Variants in GALNTL6 observed in about 807,000 individuals in gnomAD.
The protein encoded by GALNTL6 is polypeptide N-acetylgalactosaminyltransferase like 6.
In GALNTL6, 46 loss-of-function variants were observed where a neutral mutation model predicts 73.7. The observed-to-expected ratio is 0.62, with a 90% CI of 0.49 to 0.80. The LOEUF is 0.80. Among genes scored for constraint, GALNTL6 ranks in the 30% least tolerant of loss-of-function variants. The probability of loss-of-function intolerance (pLI) is 0.00; values close to 1 mark genes in which losing one functional copy is unlikely to be tolerated. For synonymous variants in GALNTL6, 259 were observed against 263.7 expected (o/e 0.98, Z 0.17); for missense variants, 604 against 755.0 (o/e 0.80, Z 2.34).
In GALNTL6 at chr4:171,854,028, G is replaced by A. The variant is rs189172963; in HGVS notation, c.138+39310G>A. On this transcript the variant is annotated intron_variant, in intron 2 of 12. Coordinates refer to ENST00000506823, the MANE Select transcript of GALNTL6 (RefSeq NM_001034845.3). ...TAAGAGTTATTGCCTTTAAAACAAT[G>A]TCCAGTAAAATTTCACAGAAAGCTA... Among the ~76,000 whole-genome samples the A allele has an allele frequency of 2.3e-4, 35 of 152,200 alleles. 1 individual carries two copies. The East Asian group carries it at 6.8e-3, about 29-fold the overall frequency.
At chr4:172,370,196 A>G (rs1247243817) in intron 5 of GALNTL6, among the ~76,000 whole-genome samples, 1 of 152,252 alleles carries the variant, frequency 6.6e-6, no homozygotes, top group East Asian at 1.9e-4. Flanking sequence ...TGAGGTCCTC[A>G]ATAGAAGTTG....
chr4:172,337,571 G>A (rs541413583), intron 4 of GALNTL6, among the ~76,000 whole-genome samples: 8 of 151,838 alleles, frequency 5.3e-5, no homozygotes, highest in African/African-American at 1.9e-4. Flanking sequence ...TTTTTTAAGA[G>A]TGCTGGCTAT....
intron 5 of GALNTL6, among the ~76,000 whole-genome samples, chr4:172,791,159 T>C (rs1189501478): frequency 1.3e-5 from 2 of 152,176 alleles, no homozygotes; most frequent in East Asian, 1.9e-4. Context: ...AAGTCGATGA[T>C]AGAAAACTGT....
At chr4:172,907,370 A>G (rs918373768) in intron 8 of GALNTL6, among the ~76,000 whole-genome samples, 3 of 152,218 alleles carry the variant, frequency 2.0e-5, no homozygotes, top group African/African-American at 7.2e-5. Flanking sequence ...AATCATAAAT[A>G]TAATATTACA....
chr4:172,248,569 A>G (rs1283997869), intron 3 of GALNTL6, among the ~76,000 whole-genome samples: 1 of 152,120 alleles, frequency 6.6e-6, no homozygotes, highest in Non-Finnish European at 1.5e-5. Flanking sequence ...CTATTAGTCA[A>G]TCCCATTTGG....
chr4:172,834,051 A>G (rs1310249329), intron 7 of GALNTL6, among the ~76,000 whole-genome samples: 1 of 152,224 alleles, frequency 6.6e-6, no homozygotes, highest in Admixed American at 6.5e-5. Flanking sequence ...CAGGAGACGG[A>G]GGTTGCAGTG....
intron 3 of GALNTL6, among the ~76,000 whole-genome samples, chr4:172,269,764 T>C (rs1188006305): frequency 6.6e-6 from 1 of 152,108 alleles, no homozygotes; most frequent in Non-Finnish European, 1.5e-5. Context: ...TTTTTTTTTA[T>C]TTTTTGAGAC....
chr4:172,057,585 T>C (rs1373436934), intron 2 of GALNTL6, among the ~76,000 whole-genome samples: 1 of 150,066 alleles, frequency 6.7e-6, no homozygotes, highest in African/African-American at 2.4e-5. Flanking sequence ...TATACTCCTG[T>C]AGTCCCAGCT....
rs1231826846 is a variant in GALNTL6 at position 172,108,282 on chromosome 4, A to G, written c.139-121374A>G. On this transcript the variant is annotated intron_variant, in intron 2 of 12. Transcript: ENST00000506823. ...TTGTGCAGAATAAGAAAGAGAAGAA[A>G]AGTCTTGCACTAGGTAGGGTTCTCT... Among the ~76,000 whole-genome samples the G allele has an allele frequency of 3.3e-5, 5 of 152,178 alleles. No homozygotes were observed. The East Asian group carries it at 9.6e-4, about 29-fold the overall frequency.
At chr4:172,743,030 C>G (rs1457564831) in intron 5 of GALNTL6, among the ~76,000 whole-genome samples, 1 of 151,914 alleles carries the variant, frequency 6.6e-6, no homozygotes, top group African/African-American at 2.4e-5. Context: ...ATTTGACGTC[C>G]CATTGTTCAA....
intron 8 of GALNTL6, among the ~76,000 whole-genome samples, chr4:172,922,234 C>A (rs909578704): frequency 6.6e-6 from 1 of 152,190 alleles, no homozygotes; most frequent in African/African-American, 2.4e-5. Flanking sequence ...TCCAATTAAA[C>A]CTCCTTTTCT....
chr4:172,632,884 G>A (rs188357115), intron 5 of GALNTL6, among the ~76,000 whole-genome samples: 1 of 152,354 alleles, frequency 6.6e-6, no homozygotes, highest in Non-Finnish European at 1.5e-5. Context: ...ATGGCTAAAA[G>A]GGGCGAACAT....
intron 4 of GALNTL6, among the ~76,000 whole-genome samples, chr4:172,338,825 G>C (rs1741440216): frequency 6.6e-6 from 1 of 152,172 alleles, no homozygotes; most frequent in Admixed American, 6.5e-5. Flanking sequence ...CAGCCACCAA[G>C]CACCAAGAAA....
At chr4:172,200,056 A>G (rs1735903883) in intron 2 of GALNTL6, among the ~76,000 whole-genome samples, 1 of 152,190 alleles carries the variant, frequency 6.6e-6, no homozygotes, top group Non-Finnish European at 1.5e-5. Flanking sequence ...TTGGCAATAA[A>G]AAATCTGGGG....
intron 10 of GALNTL6, among the ~76,000 whole-genome samples, chr4:172,965,173 G>A (rs934699893): frequency 6.6e-6 from 1 of 152,186 alleles, no homozygotes; most frequent in East Asian, 1.9e-4. Context: ...GCTCAAAAAC[G>A]AGGTTGGGAA....
intron 2 of GALNTL6, among the ~76,000 whole-genome samples, chr4:171,877,745 C>G (rs1736318926): frequency 6.6e-6 from 1 of 152,142 alleles, no homozygotes; most frequent in African/African-American, 2.4e-5. Context: ...TGACCTCTTT[C>G]TTCTTTATTA....
At chr4:172,852,839 T>C (rs17058971) in intron 7 of GALNTL6, among the ~76,000 whole-genome samples, 4,082 of 152,204 alleles carry the variant, frequency 0.027, 172 homozygotes, top group African/African-American at 0.093. Flanking sequence ...ATGATATAAG[T>C]CCAGTTGCAC....
At chr4:172,749,838 A>G (rs969386596) in intron 5 of GALNTL6, among the ~76,000 whole-genome samples, 3 of 150,604 alleles carry the variant, frequency 2.0e-5, no homozygotes, top group African/African-American at 7.4e-5. Context: ...AATATTTCTG[A>G]TATTTACTCT....
At chr4:171,815,236 C>G (rs889889222) in intron 2 of GALNTL6, 1 of 157,124 alleles carries the variant, frequency 6.4e-6, no homozygotes, top group African/African-American at 2.4e-5. Context: ...CTTAAAGTCT[C>G]TCTTTCGTCT....
Sources: gnomAD v4.1 joint callset for allele counts (sites outside exome capture counted in the v4.1 genomes callset) on GRCh38, gnomAD v4.1.1 for gene constraint, MANE v1.5 for transcripts, NCBI Gene and HGNC (gene_info 2026-07-23, HGNC 2026-07-21) for gene names.